AK3: variants seen among roughly 807,000 people sequenced by gnomAD.
AK3 encodes the protein adenylate kinase 3, also known as GTP:AMP phosphotransferase AK3, mitochondrial.
Under a neutral mutation model 23.7 loss-of-function variants are expected in AK3, and 27 were observed. That is an observed-to-expected ratio of 1.14 (90% confidence interval 0.84 to 1.57). AK3 has a LOEUF of 1.57. Ranked by LOEUF, AK3 falls within the 40% of genes most tolerant of loss-of-function variation. AK3 has a pLI of 0.00. For synonymous variants in AK3, 159 were observed against 116.0 expected, an observed-to-expected ratio of 1.37 and a Z score of -2.38; for missense variants, 406 against 285.6, an observed-to-expected ratio of 1.42 and a Z score of -3.04.
chr9:4,731,974 T>C lies in AK3; in HGVS notation c.151+8963A>G, dbSNP rs10120222. Among the ~76,000 whole-genome samples, 835 of 152,280 alleles carry C rather than the reference T, an allele frequency of 5.5e-3. 13 individuals are homozygous for C. The highest frequency in any genetic ancestry group is 0.019 in the African/African-American group (775 of 41,558). Reference sequence around the variant, plus strand: ...CTTATGATTTTCTTTTTTAGAGACATGGTCTCACTCTGACATCCATGCTGG... The same window carrying C: ...CTTATGATTTTCTTTTTTAGAGACACGGTCTCACTCTGACATCCATGCTGG... On this transcript the variant is annotated intron_variant, in intron 1 of 4. Coordinates refer to ENST00000381809, the MANE Select transcript of AK3 (RefSeq NM_016282.4).
intron 1 of AK3, among the ~76,000 whole-genome samples, chr9:4,730,136 A>G (rs1842119808): frequency 6.6e-6 from 1 of 152,194 alleles, no homozygotes; most frequent in African/African-American, 2.4e-5. Flanking sequence ...AAATCTAAAG[A>G]GATGGAAAGA....
At chr9:4,716,454 A>G (rs1841727461) in intron 4 of AK3, among the ~76,000 whole-genome samples, 1 of 152,234 alleles carries the variant, frequency 6.6e-6, no homozygotes, top group Admixed American at 6.5e-5. Flanking sequence ...AGCAGATGCT[A>G]TTTAATATTG....
intron 1 of AK3, among the ~76,000 whole-genome samples, chr9:4,735,197 C>G (rs1438203318): frequency 6.9e-6 from 1 of 144,890 alleles, no homozygotes; most frequent in Non-Finnish European, 1.5e-5. Flanking sequence ...GAGTTCATGA[C>G]AAGCCTGGAC....
rs917753302 is a variant in AK3, at chr9:4,718,595, T to C, written c.445-58A>G. 1.3e-4 allele frequency: 169 copies of C among 1,311,246 alleles called. No individual in the cohort carries two copies. In the South Asian group the frequency reaches 1.5e-3, roughly 12 times the overall value. The allele number at this position is 1,311,246 out of a possible 1,614,324, so 81.2% of individuals were successfully genotyped here. On this transcript the variant is annotated intron_variant, in intron 3 of 4. Coordinates refer to ENST00000381809, the MANE Select transcript of AK3 (RefSeq NM_016282.4). ...ATCATATTTCTGAAAGATATTTTCATAAGCAGTTCAATTATTTTTAAACAG... is the reference window on the plus strand; with the variant it reads ...ATCATATTTCTGAAAGATATTTTCACAAGCAGTTCAATTATTTTTAAACAG...
intron 1 of AK3, among the ~76,000 whole-genome samples, chr9:4,740,579 C>T (rs1237816822): frequency 3.9e-5 from 6 of 152,238 alleles, no homozygotes; most frequent in Non-Finnish European, 7.3e-5. Flanking sequence ...CTTCCAAAGG[C>T]ACCAGCACGT....
intron 1 of AK3, among the ~76,000 whole-genome samples, chr9:4,731,220 G>A (rs191747391): frequency 2.1e-4 from 32 of 152,238 alleles, no homozygotes; most frequent in Non-Finnish European, 4.3e-4. Flanking sequence ...CATCACCCAG[G>A]TATTAAGCTA....
At chr9:4,717,546 C>T (rs1434381037) in intron 4 of AK3, among the ~76,000 whole-genome samples, 1 of 152,166 alleles carries the variant, frequency 6.6e-6, no homozygotes, top group African/African-American at 2.4e-5. Flanking sequence ...TCATTCCAGC[C>T]CTGCCTCCCC....
In AK3 at chr9:4,741,172, C is replaced by G. The variant is rs1842424870; in HGVS notation, c.-85G>C. Reference sequence around the variant, plus strand: ...CACCCGCTCGGCAGCCTGCGCCGGCCGGCTAGCAGCGCCACTAGCAGGCGG... The same window carrying G: ...CACCCGCTCGGCAGCCTGCGCCGGCGGGCTAGCAGCGCCACTAGCAGGCGG... On this transcript the variant is annotated 5_prime_UTR_variant, in exon 1 of 5. Coordinates refer to ENST00000381809, the MANE Select transcript of AK3 (RefSeq NM_016282.4). 1.5e-6 allele frequency: 2 copies of G among 1,297,082 alleles called. No individual in the cohort carries two copies. Among genetic ancestry groups the G allele is most frequent in the African/African-American group, 3.1e-5 (2 of 63,954 alleles). 80.3% of individuals were successfully genotyped at this position (1,297,082 alleles called of 1,614,324 possible).
intron 1 of AK3, among the ~76,000 whole-genome samples, chr9:4,731,544 G>A (rs1186783381): frequency 6.8e-6 from 1 of 147,772 alleles, no homozygotes; most frequent in Non-Finnish European, 1.5e-5. Flanking sequence ...TTAAAACCTG[G>A]AGCCTATAAT....
chr9:4,720,822 T>C (rs148695581), intron 2 of AK3, among the ~76,000 whole-genome samples: 9 of 152,308 alleles, frequency 5.9e-5, no homozygotes, highest in African/African-American at 1.4e-4. Context: ...GACCTTACAA[T>C]GTGCTAAAAT....
chr9:4,733,993 G>A (rs944989767), intron 1 of AK3, among the ~76,000 whole-genome samples: 2 of 152,158 alleles, frequency 1.3e-5, no homozygotes, highest in Non-Finnish European at 2.9e-5. Context: ...TCCAATGACC[G>A]TGTTTACATG....
At chr9:4,722,032 G>A (rs1180279578) in intron 2 of AK3, among the ~76,000 whole-genome samples, 3 of 152,190 alleles carry the variant, frequency 2.0e-5, no homozygotes, top group Non-Finnish European at 4.4e-5. Context: ...TTATGACTCA[G>A]ATCTTCTTGA....
intron 2 of AK3, 137 bp downstream of exon 2, chr9:4,722,368 AC>A (rs1205732858): frequency 8.3e-7 from 1 of 1,200,710 alleles, no homozygotes; most frequent in Non-Finnish European, 1.1e-6. Context: ...AGAGAAGATG[AC>A]TGGTTTCAGG....
intron 1 of AK3, among the ~76,000 whole-genome samples, chr9:4,737,321 T>G (rs968186579): frequency 6.6e-6 from 1 of 152,184 alleles, no homozygotes; most frequent in Non-Finnish European, 1.5e-5. Flanking sequence ...TTCATGTCTA[T>G]CTCATGAATC....
chr9:4,728,011 A>G (rs1304845878), intron 1 of AK3, among the ~76,000 whole-genome samples: 1 of 152,222 alleles, frequency 6.6e-6, no homozygotes, highest in Non-Finnish European at 1.5e-5. Context: ...GCCATCTTAT[A>G]TGGGTATAGT....
At chr9:4,724,214 T>C (rs1484591042) in intron 1 of AK3, among the ~76,000 whole-genome samples, 1 of 152,120 alleles carries the variant, frequency 6.6e-6, no homozygotes, top group Admixed American at 6.5e-5. Context: ...GGCTTTTGAC[T>C]ACTGCTCTGG....
At chr9:4,725,203 T>A (rs902948930) in intron 1 of AK3, among the ~76,000 whole-genome samples, 1 of 151,864 alleles carries the variant, frequency 6.6e-6, no homozygotes, top group South Asian at 2.1e-4. Context: ...TTTGTATTTT[T>A]AGTAGAGACA....
chr9:4,722,552 G>A lies in AK3; in HGVS notation c.225C>T (p.Ala75=). ...LIPDDVMTRL[A]LHELKNLTQY... is the part of the protein sequence containing the mutation. ...GGGTGAGATTTTTCAGCTCATGAAG[G>A]GCCAGCCGAGTCATGACATCATCTG... The change falls in exon 2 of 5, where the codon GCC becomes GCT. Residue 75 remains alanine, a synonymous_variant. Transcript: ENST00000381809. The A allele has an allele frequency of 6.2e-7, 1 of 1,614,158 alleles. No homozygotes were observed. The highest frequency in any genetic ancestry group is 8.5e-7 in the Non-Finnish European group (1 of 1,180,018).
intron 4 of AK3, among the ~76,000 whole-genome samples, chr9:4,714,004 A>ATACACGCCTACACATACACGCCTACACG: frequency 6.8e-6 from 1 of 147,740 alleles, no homozygotes; most frequent in Non-Finnish European, 1.5e-5. Context: ...ACGCCTACAC[A>ATACACGCCTACACATACACGCCTACACG]TATACACCTA....
Sources: allele counts gnomAD v4.1 joint callset (sites outside exome capture counted in the v4.1 genomes callset), GRCh38; gene constraint gnomAD v4.1.1; transcripts MANE v1.5; gene names NCBI Gene and HGNC (gene_info 2026-07-23, HGNC 2026-07-21).